LRRC28: variants seen among roughly 807,000 people sequenced by gnomAD.
LRRC28 encodes leucine rich repeat containing 28.
Under a neutral mutation model 45.7 loss-of-function variants are expected in LRRC28, and 39 were observed. That is an observed-to-expected ratio of 0.85 (90% CI 0.66 to 1.12). The LOEUF (loss-of-function observed/expected upper bound fraction) is 1.12. LRRC28 is among the 50% of genes most tolerant of loss of function. The pLI is 0.00. For synonymous variants in LRRC28, 206 were observed against 178.8 expected (o/e 1.15, Z -1.22); for missense variants, 435 against 438.5 (o/e 0.99, Z 0.07).
At chr15:99,279,469 C>T (rs934842578) in intron 3 of LRRC28, among the ~76,000 whole-genome samples, 6 of 152,188 alleles carry the variant, frequency 3.9e-5, no homozygotes, top group East Asian at 1.9e-4. Flanking sequence ...GCTACTCAGA[C>T]GGAATAAAGA....
intron 5 of LRRC28, among the ~76,000 whole-genome samples, chr15:99,292,237 T>C (rs1457966314): frequency 1.3e-5 from 2 of 152,202 alleles, no homozygotes; most frequent in Non-Finnish European, 2.9e-5. Flanking sequence ...GGAAGCCTAG[T>C]GTACATTGAG....
chr15:99,253,466 T>C (rs1263153474), intron 1 of LRRC28, among the ~76,000 whole-genome samples: 1 of 152,150 alleles, frequency 6.6e-6, no homozygotes, highest in Non-Finnish European at 1.5e-5. Flanking sequence ...GATGGGACAT[T>C]GCTTTCTAGG....
chr15:99,379,790 C>A (rs561192592), intron 9 of LRRC28, among the ~76,000 whole-genome samples: 1 of 152,154 alleles, frequency 6.6e-6, no homozygotes, highest in African/African-American at 2.4e-5. Flanking sequence ...GCCTTCATTT[C>A]GTTATGTACC....
chr15:99,325,255 G>A (rs1469014201), intron 5 of LRRC28, among the ~76,000 whole-genome samples: 1 of 152,110 alleles, frequency 6.6e-6, no homozygotes, highest in Non-Finnish European at 1.5e-5. Flanking sequence ...GTATAGAAAT[G>A]CAATTGATTT....
intron 5 of LRRC28, among the ~76,000 whole-genome samples, chr15:99,308,951 G>T (rs975353767): frequency 1.3e-5 from 2 of 152,120 alleles, no homozygotes; most frequent in African/African-American, 4.8e-5. Flanking sequence ...CTAAGAGAAA[G>T]AATTAATTCT....
Position 99,255,904 on chromosome 15 carries a change from A to C in LRRC28, c.-54A>C. ...TTTCTCGTTCTCTTTATAGAAATGG[A>C]CCAATTTTGACAAGATATAGTGCTG... On this transcript the variant is annotated 5_prime_UTR_variant, in exon 2 of 10. Transcript: ENST00000301981. 1 of 1,523,874 alleles carries C rather than the reference A, an allele frequency of 6.6e-7. No individual in the cohort carries two copies. The allele number at this position is 1,523,874 out of a possible 1,614,324, so 94.4% of individuals were successfully genotyped here.
At chr15:99,362,655 T>G (rs1440528796) in intron 8 of LRRC28, among the ~76,000 whole-genome samples, 2 of 152,238 alleles carry the variant, frequency 1.3e-5, no homozygotes, top group African/African-American at 4.8e-5. Flanking sequence ...TTTCATTCTC[T>G]TCAATAAATA....
At chr15:99,293,926 C>T (rs563274823) in intron 5 of LRRC28, among the ~76,000 whole-genome samples, 1 of 152,118 alleles carries the variant, frequency 6.6e-6, no homozygotes, top group Non-Finnish European at 1.5e-5. Flanking sequence ...TTCATTTTCA[C>T]TTTTGAAGAA....
chr15:99,266,892 T>G (rs2081346465), intron 2 of LRRC28, among the ~76,000 whole-genome samples: 1 of 152,146 alleles, frequency 6.6e-6, no homozygotes, highest in Admixed American at 6.5e-5. Context: ...ACAAATAAAC[T>G]AAGTCATAAA....
intron 5 of LRRC28, among the ~76,000 whole-genome samples, chr15:99,299,202 T>C (rs2082337364): frequency 6.6e-6 from 1 of 152,226 alleles, no homozygotes; most frequent in Admixed American, 6.5e-5. Flanking sequence ...AAGTATGTTT[T>C]TGATAAATAC....
rs765356212 is a variant in LRRC28 at position 99,363,161 on chromosome 15, C to T, written c.927C>T (p.His309=). 4.3e-6 allele frequency: 7 copies of T among 1,614,010 alleles called. No homozygotes were observed. The highest frequency in any genetic ancestry group is 5.9e-6 in the Non-Finnish European group (7 of 1,179,892). ...SLPRSLLELL[H]CPLGHCHRCS... is the part of the protein sequence containing the mutation. Reference sequence around the variant, plus strand: ...CCAGAAGTCTCCTAGAGCTGCTGCACTGCCCTCTGGGGCACTGTCATCGGT... The same window carrying T: ...CCAGAAGTCTCCTAGAGCTGCTGCATTGCCCTCTGGGGCACTGTCATCGGT... Residue 309 remains histidine (H), a synonymous_variant, in exon 9 of 10, where the codon CAC becomes CAT. Transcript: ENST00000301981.
chr15:99,337,307 G>GTGTGTCATGCTGGGGGTC (rs1956357815), intron 6 of LRRC28, among the ~76,000 whole-genome samples: 1 of 152,222 alleles, frequency 6.6e-6, no homozygotes, highest in African/African-American at 2.4e-5. Flanking sequence ...GGGGAGTGAC[G>GTGTGTCATGCTGGGGGTC]CTGTGTGTCA....
At chr15:99,316,804 G>A (rs973174681) in intron 5 of LRRC28, among the ~76,000 whole-genome samples, 1 of 151,908 alleles carries the variant, frequency 6.6e-6, no homozygotes, top group Non-Finnish European at 1.5e-5. Flanking sequence ...GGACCCTGGC[G>A]GATACAAGCT....
chr15:99,306,878 G>GT (rs1256419510), intron 5 of LRRC28, among the ~76,000 whole-genome samples: 4 of 152,322 alleles, frequency 2.6e-5, no homozygotes, highest in African/African-American at 9.6e-5. Context: ...CCACTGACAT[G>GT]TTTCCTTCTT....
chr15:99,300,548 C>T (rs957470077), intron 5 of LRRC28, among the ~76,000 whole-genome samples: 4 of 152,108 alleles, frequency 2.6e-5, no homozygotes, highest in Admixed American at 6.5e-5. Flanking sequence ...CACAATTGGC[C>T]GGGCACCATG....
chr15:99,317,154 C>A (rs1955627776), intron 5 of LRRC28, among the ~76,000 whole-genome samples: 1 of 152,054 alleles, frequency 6.6e-6, no homozygotes. Context: ...ATTTCGTTTC[C>A]CTTGAGCAGG....
rs1597437051 is a variant in LRRC28 at position 99,363,391 on chromosome 15, A to G, written c.1031+126A>G. ...AAGGGGCATAACATGCTTCCTGAGA[A>G]ACAGCTAAATGAAACGATGCTCACT... On this transcript the variant is annotated intron_variant, in intron 9 of 9. Transcript: ENST00000301981. The G allele has an allele frequency of 3.1e-6, 3 of 952,486 alleles. No individual in the cohort carries two copies. The East Asian group carries it at 7.9e-5, about 25-fold the overall frequency. The allele number at this position is 952,486 out of a possible 1,614,324, so 59.0% of individuals were successfully genotyped here. A position where few individuals can be genotyped will look rare whatever the true frequency, so the allele number is the denominator to read the frequency against.
At chr15:99,271,451 A>G (rs2081477123) in intron 2 of LRRC28, among the ~76,000 whole-genome samples, 3 of 151,504 alleles carry the variant, frequency 2.0e-5, no homozygotes, top group African/African-American at 7.3e-5. Context: ...GCTAATGTTT[A>G]TATTTTTAGT....
At chr15:99,314,712 C>T (rs1176781356) in intron 5 of LRRC28, among the ~76,000 whole-genome samples, 1 of 152,130 alleles carries the variant, frequency 6.6e-6, no homozygotes, top group Non-Finnish European at 1.5e-5. Flanking sequence ...CCTTCTTACC[C>T]CCTTCACCTA....
Sources: gnomAD v4.1 joint callset for allele counts (sites outside exome capture counted in the v4.1 genomes callset) on GRCh38, gnomAD v4.1.1 for gene constraint, MANE v1.5 for transcripts, NCBI Gene and HGNC (gene_info 2026-07-23, HGNC 2026-07-21) for gene names.